The following MTRR variants were observed in gnomAD, a reference collection of about 807,000 sequenced individuals.
The protein encoded by MTRR is methionine synthase reductase.
Under a neutral mutation model 79.2 loss-of-function variants are expected in MTRR, and 63 were observed. That is an observed-to-expected ratio of 0.80 (90% CI 0.65 to 0.98). MTRR has a LOEUF of 0.98. Among genes scored for constraint, MTRR ranks in the 50% least tolerant of loss-of-function variants. The pLI, the probability that MTRR is intolerant of heterozygous loss-of-function variation, is 0.00. For synonymous variants in MTRR, 355 were observed against 313.3 expected, an observed-to-expected ratio of 1.13 and a Z score of -1.41; for missense variants, 895 against 839.6, an observed-to-expected ratio of 1.07 and a Z score of -0.82.
chr5:7,856,884 C>G (rs1349495369), intron 1 of MTRR: 1 of 151,472 alleles, frequency 6.6e-6, no homozygotes, highest in African/African-American at 2.4e-5. Context: ...TAGAGGAAGG[C>G]AAGGAAAGGT....
chr5:7,873,854 A>G (rs1329917686), intron 3 of MTRR, among the ~76,000 whole-genome samples: 1 of 152,110 alleles, frequency 6.6e-6, no homozygotes, highest in Non-Finnish European at 1.5e-5. Context: ...GCAACCCCTC[A>G]TGCCATTCCT....
At chr5:7,885,607 C>A in intron 6 of MTRR, 94 bp from the exon 7 acceptor site, 1 of 1,132,900 alleles carries the variant, frequency 8.8e-7, no homozygotes, top group Non-Finnish European at 1.3e-6. Context: ...ATATTAAAAT[C>A]ATAATATTGA....
intron 12 of MTRR, 75 bp downstream of exon 12, chr5:7,895,927 T>A (rs1230811461): frequency 6.4e-7 from 1 of 1,556,792 alleles, no homozygotes; most frequent in Non-Finnish European, 8.7e-7. Context: ...ATTTTGAGGA[T>A]AATTGGACTT....
chr5:7,894,029 C>T (rs940764830), intron 11 of MTRR, among the ~76,000 whole-genome samples: 3 of 152,122 alleles, frequency 2.0e-5, no homozygotes, highest in Admixed American at 2.0e-4. Flanking sequence ...ATCTCCAGAA[C>T]ATTAAAAACA....
At chr5:7,873,551 TACTATAGTATACTA>T in intron 3 of MTRR, 25 bp downstream of exon 3, 18 of 1,608,980 alleles carry the variant, frequency 1.1e-5, no homozygotes, top group Non-Finnish European at 1.2e-5. Flanking sequence ...CTTCTGATCT[TACTATAGTATACTA>T]TTGATATCTC....
chr5:7,865,220 G>A (rs551880822), upstream of MTRR, among the ~76,000 whole-genome samples: 1 of 152,112 alleles, frequency 6.6e-6, no homozygotes, highest in Non-Finnish European at 1.5e-5. Context: ...AGAGATCGGG[G>A]TTAACTATTA....
intron 14 of MTRR, among the ~76,000 whole-genome samples, chr5:7,898,371 T>C (rs970059372): frequency 6.6e-6 from 1 of 152,166 alleles, no homozygotes; most frequent in African/African-American, 2.4e-5. Context: ...GGAGAATATC[T>C]TAAATGTCCA....
Position 7,877,991 on chromosome 5 carries a change from T to G in MTRR, c.449T>G (p.Leu150Arg), listed in dbSNP as rs2126693065. Residue 150 changes from leucine to arginine, a missense_variant, in exon 5 of 15, where the codon CTC becomes CGC. Transcript: ENST00000440940. ...TGGATTGCTGGACTCTGGCCAGCCCTCAGAAAGCATTTTAGGTCAAGCAGA... is the reference window on the plus strand; with the variant it reads ...TGGATTGCTGGACTCTGGCCAGCCCGCAGAAAGCATTTTAGGTCAAGCAGA... ...EPWIAGLWPALRKHFRSSRGQ... is the reference protein window; with the variant it reads ...EPWIAGLWPARRKHFRSSRGQ... The G allele has an allele frequency of 6.2e-7, 1 of 1,613,716 alleles. No individual in the cohort carries two copies. Among genetic ancestry groups the G allele is most frequent in the Non-Finnish European group, 8.5e-7 (1 of 1,179,988 alleles).
rs776031136 is a variant in MTRR at position 7,883,239 on chromosome 5, G to A, written c.865G>A (p.Ala289Thr). The A allele has an allele frequency of 1.2e-6, 2 of 1,614,216 alleles. No individual in the cohort carries two copies. The highest frequency in any genetic ancestry group is 3.3e-5 in the Admixed American group (2 of 60,034). ...SKAVQLTTND[A>T]IKTTLLVELD... is the part of the protein sequence containing the mutation. The stretch of plus-strand genomic sequence containing the variant: ...GGCAGTTCAACTTACTACGAATGAT[G>A]CCATAAAAACCACTCTGCTGGTAGA... The change falls in exon 6 of 15, where the codon GCC (alanine) becomes ACC (threonine). Residue 289 changes from alanine (A) to threonine (T), a missense_variant. Physicochemically the swap from Ala to Thr is moderately conservative, Grantham distance 58. Coordinates refer to ENST00000440940, the MANE Select transcript of MTRR (RefSeq NM_002454.3).
chr5:7,883,145 G>C lies in MTRR; in HGVS notation c.781-10G>C. On this transcript the variant is annotated splice_polypyrimidine_tract_variant and intron_variant, in intron 5 of 14. Transcript: ENST00000440940. ...ATTGCACTTACGTTTTGTCACATTTGTTTTTCAAGGAGGAAAGCCAAGTAT... is the reference window on the plus strand; with the variant it reads ...ATTGCACTTACGTTTTGTCACATTTCTTTTTCAAGGAGGAAAGCCAAGTAT... The C allele has an allele frequency of 6.2e-7, 1 of 1,613,782 alleles. No individual in the cohort carries two copies. The highest frequency in any genetic ancestry group is 8.5e-7 in the Non-Finnish European group (1 of 1,179,836).
intron 11 of MTRR, among the ~76,000 whole-genome samples, chr5:7,894,495 G>A (rs1738168186): frequency 6.6e-6 from 1 of 152,212 alleles, no homozygotes; most frequent in African/African-American, 2.4e-5. Flanking sequence ...AGCCTTCGAG[G>A]AAGAGAGCCC....
intron 1 of MTRR, among the ~76,000 whole-genome samples, chr5:7,856,184 C>G (rs184400748): frequency 9.2e-5 from 14 of 152,192 alleles, no homozygotes; most frequent in Admixed American, 4.6e-4. Context: ...AAAATTCCCA[C>G]GTCTAGAGCT....
At chr5:7,891,223 A>G (rs967761490) in intron 9 of MTRR, 149 bp from the exon 10 acceptor site, 48 of 591,612 alleles carry the variant, frequency 8.1e-5, no homozygotes, top group Non-Finnish European at 1.2e-5. Context: ...CTTGAACACA[A>G]AGTTCAAGTG....
At chr5:7,893,065 A>G (rs1195331582) in intron 11 of MTRR, 152 bp downstream of exon 11, 1 of 884,852 alleles carries the variant, frequency 1.1e-6, no homozygotes, top group Non-Finnish European at 1.7e-6. Flanking sequence ...AAGAGCAGAA[A>G]ACTGTTTACT....
intron 9 of MTRR, among the ~76,000 whole-genome samples, chr5:7,889,670 ATTTTCT>A (rs1243730919): frequency 6.6e-6 from 1 of 152,110 alleles, no homozygotes; most frequent in Non-Finnish European, 1.5e-5. Context: ...TTCCTATAAA[ATTTTCT>A]TTTTCAAAGC....
intron 1 of MTRR, chr5:7,859,313 C>A: frequency 1.9e-6 from 1 of 516,820 alleles, no homozygotes; most frequent in Admixed American, 3.9e-5. Context: ...ACTACAGATG[C>A]TTTCAGATCA....
chr5:7,867,295 C>A, upstream of MTRR: 2 of 1,613,700 alleles, frequency 1.2e-6, no homozygotes, highest in East Asian at 4.5e-5. Context: ...TACATGCCTG[C>A]AAGATTCTAT....
intron 1 of MTRR, among the ~76,000 whole-genome samples, chr5:7,854,351 ATATATAT>A (rs146553645): frequency 0.01 from 1,532 of 151,294 alleles, 19 homozygotes; most frequent in African/African-American, 0.031. Context: ...CTATGTAAAG[ATATATAT>A]TATATATATT....
chr5:7,885,843 CAA>C lies in MTRR; in HGVS notation c.1048_1049del (p.Lys350GlufsTer25), dbSNP rs2126745614. On this transcript the variant is annotated frameshift_variant, in exon 7 of 15. Transcript: ENST00000440940. LOFTEE classifies it high-confidence loss of function. Reference sequence around the variant, plus strand: ...GTCCTTTTGAAAATAAAGGCAGACACAAAGAAGAAAGGTAACAGCCCTGATGC... The same window carrying C: ...GTCCTTTTGAAAATAAAGGCAGACACAGAAGAAAGGTAACAGCCCTGATGC... 1.2e-6 allele frequency: 2 copies of C among 1,613,966 alleles called. No individual in the cohort carries two copies. The highest frequency in any genetic ancestry group is 1.7e-6 in the Non-Finnish European group (2 of 1,179,992).
Sources: gnomAD v4.1 joint callset for allele counts (sites outside exome capture counted in the v4.1 genomes callset) on GRCh38, gnomAD v4.1.1 for gene constraint, MANE v1.5 for transcripts, NCBI Gene and HGNC (gene_info 2026-07-23, HGNC 2026-07-21) for gene names.